The following ZC3HC1 variants were observed in gnomAD, a reference collection of about 807,000 sequenced individuals.
The protein encoded by ZC3HC1 is zinc finger C3HC-type containing 1.
ZC3HC1 carries 38 observed loss-of-function variants against 61.9 expected under a neutral mutation model. The ratio of observed to expected loss-of-function variants is 0.61; its 90% confidence interval spans 0.47 to 0.81. The LOEUF (loss-of-function observed/expected upper bound fraction) is 0.81, where lower values mean the gene tolerates loss of function less well. Ranked by LOEUF, ZC3HC1 falls within the 30% of genes least tolerant of loss-of-function variation. The pLI is 0.00. For missense variants in ZC3HC1, 554 were observed against 622.7 expected (o/e 0.89, Z 1.17); for synonymous variants, 213 against 229.9 (o/e 0.93, Z 0.67).
intron 2 of ZC3HC1, chr7:130,045,341 A>G (rs1380132428): frequency 3.4e-6 from 1 of 292,178 alleles, no homozygotes; most frequent in East Asian, 8.7e-5. Flanking sequence ...GTCCTTGCAC[A>G]CAGGGAATAA....
chr7:130,030,890 G>A (rs1457157241), intron 4 of ZC3HC1, among the ~76,000 whole-genome samples: 2 of 149,510 alleles, frequency 1.3e-5, no homozygotes, highest in Non-Finnish European at 3.0e-5. Flanking sequence ...GGATGGTCTC[G>A]ATCTCCTGAC....
At position 130,018,454 on chromosome 7, in the gene ZC3HC1, C is replaced by T. The variant is rs1219008569; in HGVS notation, c.*210G>A. 1 of 530,780 alleles carries T rather than the reference C, an allele frequency of 1.9e-6. No homozygotes were observed. The highest frequency in any genetic ancestry group is 3.4e-6 in the Non-Finnish European group (1 of 295,212). 32.9% of individuals were successfully genotyped at this position (530,780 alleles called of 1,614,324 possible). ...CTTTAACAGAACCATGCTTGCTGCC[C>T]TTACCCTGTCCACATCCCTGAAAGG... On this transcript the variant is annotated 3_prime_UTR_variant, in exon 10 of 10. Coordinates refer to ENST00000358303, the MANE Select transcript of ZC3HC1 (RefSeq NM_016478.5).
At chr7:130,035,803 T>C (rs1794410452) in intron 4 of ZC3HC1, among the ~76,000 whole-genome samples, 1 of 152,180 alleles carries the variant, frequency 6.6e-6, no homozygotes, top group South Asian at 2.1e-4. Context: ...TTTCTTGGAC[T>C]GTATTGCAGA....
At chr7:130,040,904 T>G in intron 3 of ZC3HC1, 47 bp downstream of exon 3, 2 of 1,541,334 alleles carry the variant, frequency 1.3e-6, no homozygotes, top group African/African-American at 1.4e-5. Flanking sequence ...ACCAGGATAG[T>G]ATATATTTGA....
chr7:130,040,916 T>C, intron 3 of ZC3HC1, 35 bp downstream of exon 3: 1 of 1,576,950 alleles, frequency 6.3e-7, no homozygotes, highest in Non-Finnish European at 8.6e-7. Flanking sequence ...TATATTTGAG[T>C]GTGGAGAAAA....
chr7:130,021,956 C>T (rs562239889), intron 9 of ZC3HC1, among the ~76,000 whole-genome samples: 9 of 152,222 alleles, frequency 5.9e-5, no homozygotes, highest in Non-Finnish European at 1.2e-4. Flanking sequence ...GGGGGGATCA[C>T]CTGAGGTCAG....
intron 2 of ZC3HC1, chr7:130,043,995 G>A (rs1386541204): frequency 2.7e-6 from 1 of 374,044 alleles, no homozygotes; most frequent in Non-Finnish European, 5.2e-6. Flanking sequence ...AACTGGAGAT[G>A]TCAGCAGGAA....
At chr7:130,050,512 A>G (rs769752339) in intron 1 of ZC3HC1, 174 of 1,473,914 alleles carry the variant, frequency 1.2e-4, no homozygotes, top group Non-Finnish European at 1.5e-4. Context: ...AATTCACAGC[A>G]TCCATAAACT....
intron 4 of ZC3HC1, among the ~76,000 whole-genome samples, chr7:130,037,391 C>G (rs749728306): frequency 2.6e-5 from 4 of 152,132 alleles, no homozygotes; most frequent in Admixed American, 6.6e-5. Context: ...TTGCAGTGAG[C>G]CTAGACTGAG....
chr7:130,019,338 C>G (rs146514589), intron 9 of ZC3HC1, among the ~76,000 whole-genome samples: 92 of 152,108 alleles, frequency 6.0e-4, no homozygotes, highest in South Asian at 1.5e-3. Flanking sequence ...CGTGAGCCAC[C>G]ACGCCCGGCC....
In ZC3HC1 at chr7:130,026,171, C is replaced by G. The variant is rs752710532; in HGVS notation, c.763G>C (p.Gly255Arg). 6.2e-7 allele frequency: 1 copy of G among 1,613,644 alleles called. No individual in the cohort carries two copies. Among genetic ancestry groups the G allele is most frequent in the South Asian group, 1.1e-5 (1 of 91,050 alleles). Residue 255 changes from glycine (G) to arginine (R), a missense_variant, in exon 6 of 10, where the codon GGC becomes CGC. Coordinates refer to ENST00000358303, the MANE Select transcript of ZC3HC1 (RefSeq NM_016478.5). ...HVTACILSVC[G>R]WACSSSLESM... ...CTGCTGACTCACCTACACGCCCAGC[C>G]ACACACAGAGAGAATACAGGCAGTG...
At chr7:130,021,887 C>T (rs181625847) in intron 9 of ZC3HC1, among the ~76,000 whole-genome samples, 446 of 152,074 alleles carry the variant, frequency 2.9e-3, no homozygotes, top group Middle Eastern at 6.8e-3. Flanking sequence ...TCTAACTTGA[C>T]GTATAAGCCG....
intron 2 of ZC3HC1, 53 bp from the exon 3 acceptor site, chr7:130,041,154 A>ATGTGTGTGTGTG (rs34409527): frequency 5.0e-6 from 6 of 1,207,214 alleles, no homozygotes; most frequent in South Asian, 3.3e-5. Context: ...ATGTGTGTGT[A>ATGTGTGTGTGTG]TGTGTGTGTG....
chr7:130,020,316 A>G (rs1464889768), intron 9 of ZC3HC1, among the ~76,000 whole-genome samples: 2 of 144,452 alleles, frequency 1.4e-5, no homozygotes, highest in African/African-American at 5.2e-5. Context: ...TCTGTTGCCC[A>G]CGCTGGAGTG....
intron 4 of ZC3HC1, among the ~76,000 whole-genome samples, chr7:130,035,648 A>AT (rs1794403878): frequency 6.6e-6 from 1 of 151,768 alleles, no homozygotes; most frequent in Non-Finnish European, 1.5e-5. Flanking sequence ...CGCCCGGCTA[A>AT]TTTTTTTGTA....
At chr7:130,028,325 T>C (rs933580050) in intron 5 of ZC3HC1, among the ~76,000 whole-genome samples, 2 of 151,900 alleles carry the variant, frequency 1.3e-5, no homozygotes, top group Non-Finnish European at 2.9e-5. Flanking sequence ...GTGGATCACC[T>C]GAGGTCAGGA....
chr7:130,024,323 T>G lies in ZC3HC1; in HGVS notation c.960A>C (p.Glu320Asp). The change falls in exon 7 of 10, where the codon GAA (glutamate) becomes GAC (aspartate). Residue 320 changes from glutamate to aspartate, a missense_variant. Physicochemically the swap from Glu to Asp is conservative, Grantham distance 45. Transcript: ENST00000358303. Reference protein sequence around the residue: ...GRPERLPLVPESPRRMMTRSQ... With the variant: ...GRPERLPLVPDSPRRMMTRSQ... ...TCCGGGTCATCATCCTCCGAGGAGATTCAGGCACCAGAGGTAAGCGCTCTG... is the reference window on the plus strand; with the variant it reads ...TCCGGGTCATCATCCTCCGAGGAGAGTCAGGCACCAGAGGTAAGCGCTCTG... 1.2e-6 allele frequency: 2 copies of G among 1,614,074 alleles called. No individual in the cohort carries two copies. Among genetic ancestry groups the G allele is most frequent in the Admixed American group, 3.3e-5 (2 of 60,000 alleles).
Position 130,022,314 on chromosome 7 carries a change from C to T in ZC3HC1, c.1440+5G>A, listed in dbSNP as rs1234625221. On this transcript the variant is annotated splice_donor_5th_base_variant and intron_variant, in intron 9 of 9. Transcript: ENST00000358303. ...GCCCACACACAAGGCAGTGGCGTAT[C>T]TCACCATGGAGTCCGTTTCAGCTGG... 6.2e-7 allele frequency: 1 copy of T among 1,614,036 alleles called. No homozygotes were observed. Among genetic ancestry groups the T allele is most frequent in the Non-Finnish European group, 8.5e-7 (1 of 1,180,048 alleles).
At chr7:130,019,919 C>T (rs553332091) in intron 9 of ZC3HC1, among the ~76,000 whole-genome samples, 2 of 147,476 alleles carry the variant, frequency 1.4e-5, no homozygotes, top group African/African-American at 2.5e-5. Flanking sequence ...CTGGTTCAAG[C>T]GATTCTCCTG....
Sources: gnomAD v4.1 joint callset for allele counts (sites outside exome capture counted in the v4.1 genomes callset) on GRCh38, gnomAD v4.1.1 for gene constraint, MANE v1.5 for transcripts, NCBI Gene and HGNC (gene_info 2026-07-23, HGNC 2026-07-21) for gene names.